The following RHOBTB1 variants were observed in gnomAD, a reference collection of about 807,000 sequenced individuals.
RHOBTB1 encodes the protein Rho related BTB domain containing 1.
In RHOBTB1, 40 loss-of-function variants were observed where a neutral mutation model predicts 71.6. The observed-to-expected ratio is 0.56, with a 90% CI of 0.43 to 0.73. RHOBTB1 has a LOEUF of 0.73. Ranked by LOEUF, RHOBTB1 falls within the 30% of genes least tolerant of loss-of-function variation. The probability of loss-of-function intolerance (pLI) is 0.00; values close to 1 mark genes in which losing one functional copy is unlikely to be tolerated. For synonymous variants in RHOBTB1, 319 were observed against 334.9 expected (o/e 0.95, Z 0.52); for missense variants, 797 against 894.0 (o/e 0.89, Z 1.38).
Position 60,956,129 on chromosome 10 carries a change from T to C in RHOBTB1, c.-61-14275A>G, listed in dbSNP as rs1264403526. Among the ~76,000 whole-genome samples the C allele has an allele frequency of 5.3e-5, 8 of 152,224 alleles. 1 individual carries two copies. The South Asian group carries it at 1.7e-3, about 31-fold the overall frequency. Reference sequence around the variant, plus strand: ...TAGCCTACTACACACCTAGGCTATATGGTATAGCCCGTTGTTTCTAGGCTG... The same window carrying C: ...TAGCCTACTACACACCTAGGCTATACGGTATAGCCCGTTGTTTCTAGGCTG... On this transcript the variant is annotated intron_variant, in intron 2 of 11. Transcript: ENST00000357917.
intron 1 of RHOBTB1, among the ~76,000 whole-genome samples, chr10:60,986,433 A>ATAT (rs35572813): frequency 2.2e-4 from 30 of 136,388 alleles, no homozygotes; most frequent in South Asian, 6.8e-4. Flanking sequence ...ATATATATAA[A>ATAT]ATATATATAG....
At chr10:60,984,548 T>A in intron 2 of RHOBTB1, among the ~76,000 whole-genome samples, 1 of 152,166 alleles carries the variant, frequency 6.6e-6, no homozygotes, top group East Asian at 1.9e-4. Flanking sequence ...TGAAAACCCA[T>A]AAGACAGAAC....
At chr10:60,936,262 G>A (rs1386654639) in intron 2 of RHOBTB1, among the ~76,000 whole-genome samples, 1 of 152,154 alleles carries the variant, frequency 6.6e-6, no homozygotes, top group Admixed American at 6.5e-5. Flanking sequence ...TGCAACATAG[G>A]TTGGCCTATG....
At chr10:60,947,694 A>G (rs1012333515), upstream of RHOBTB1, among the ~76,000 whole-genome samples, 2 of 152,140 alleles carry the variant, frequency 1.3e-5, no homozygotes, top group African/African-American at 2.4e-5. Context: ...TTTTTATTGC[A>G]TGGATGTATC....
intron 2 of RHOBTB1, among the ~76,000 whole-genome samples, chr10:60,965,995 T>A (rs1263204469): frequency 6.6e-6 from 1 of 152,204 alleles, no homozygotes; most frequent in African/African-American, 2.4e-5. Flanking sequence ...ACAATAAATA[T>A]ATAATTTTAA....
At chr10:60,968,669 C>A (rs2086053828) in intron 2 of RHOBTB1, among the ~76,000 whole-genome samples, 1 of 152,102 alleles carries the variant, frequency 6.6e-6, no homozygotes, top group Non-Finnish European at 1.5e-5. Flanking sequence ...TATAAGTAAG[C>A]CTCAAATAAA....
At chr10:60,983,226 A>G (rs2086559602) in intron 2 of RHOBTB1, among the ~76,000 whole-genome samples, 1 of 152,182 alleles carries the variant, frequency 6.6e-6, no homozygotes, top group Non-Finnish European at 1.5e-5. Context: ...CTTTCTCTAA[A>G]TGAGAAGAAA....
At chr10:60,935,897 A>T (rs2084552212) in intron 2 of RHOBTB1, among the ~76,000 whole-genome samples, 2 of 152,192 alleles carry the variant, frequency 1.3e-5, no homozygotes, top group South Asian at 2.1e-4. Flanking sequence ...CAGCCACATC[A>T]GTAGCTTGAA....
intron 2 of RHOBTB1, among the ~76,000 whole-genome samples, chr10:60,912,260 C>T (rs116297970): frequency 0.014 from 2,187 of 151,554 alleles, 61 homozygotes; most frequent in African/African-American, 0.05. Context: ...TGGAATCTCA[C>T]GCTGTCACCC....
At chr10:60,945,531 A>G (rs972509611), upstream of RHOBTB1, among the ~76,000 whole-genome samples, 3 of 152,132 alleles carry the variant, frequency 2.0e-5, no homozygotes, top group African/African-American at 7.2e-5. Context: ...CTTCCAGGAA[A>G]CCGTCTTCAG....
chr10:60,868,390 G>A (rs1237894002), downstream of RHOBTB1, among the ~76,000 whole-genome samples: 1 of 152,062 alleles, frequency 6.6e-6, no homozygotes, highest in African/African-American at 2.4e-5. Context: ...CAGCTTGCAG[G>A]CAAGCATTCA....
chr10:60,925,696 G>A (rs536439969), intron 2 of RHOBTB1, among the ~76,000 whole-genome samples: 70 of 151,930 alleles, frequency 4.6e-4, no homozygotes, highest in Non-Finnish European at 7.5e-4. Context: ...AAGAAGACCC[G>A]AATAAATAAA....
intron 7 of RHOBTB1, among the ~76,000 whole-genome samples, chr10:60,882,467 G>GA (rs1016050674): frequency 1.3e-5 from 2 of 152,028 alleles, no homozygotes; most frequent in Non-Finnish European, 2.9e-5. Context: ...AAAGTAATGA[G>GA]AAAAAATATA....
Position 60,892,928 on chromosome 10 carries a change from A to G in RHOBTB1, c.364T>C (p.Trp122Arg), listed in dbSNP as rs1227366226. 3 of 1,613,990 alleles carry G rather than the reference A, an allele frequency of 1.9e-6. No individual in the cohort carries two copies. The change falls in exon 5 of 11, where the codon TGG becomes CGG. Residue 122 changes from tryptophan to arginine, a missense_variant. Transcript: ENST00000337910. ...PNSLNHVKSM[W>R]YPEIKHFCPR... ...CAAAAGTGCTTGATTTCTGGATACC[A>G]CATGCTTTTCACATGATTTAGGGAA... is the stretch of plus-strand genomic sequence containing the variant.
At chr10:60,939,992 T>C (rs1750399665) in intron 2 of RHOBTB1, among the ~76,000 whole-genome samples, 1 of 152,202 alleles carries the variant, frequency 6.6e-6, no homozygotes, top group Admixed American at 6.5e-5. Flanking sequence ...ATATTTTTAT[T>C]ATATACCATT....
chr10:60,887,729 C>T (rs977046860), intron 6 of RHOBTB1, among the ~76,000 whole-genome samples: 9 of 152,188 alleles, frequency 5.9e-5, no homozygotes, highest in Non-Finnish European at 1.3e-4. Context: ...GGCCTCAGGA[C>T]TTGAGATCAC....
intron 2 of RHOBTB1, among the ~76,000 whole-genome samples, chr10:60,962,470 A>G (rs1208438004): frequency 6.6e-6 from 1 of 152,192 alleles, no homozygotes; most frequent in African/African-American, 2.4e-5. Context: ...GAAAGTATTT[A>G]TAAAGTCCAA....
intron 2 of RHOBTB1, among the ~76,000 whole-genome samples, chr10:60,917,214 TG>T (rs1249935193): frequency 2.0e-5 from 3 of 152,240 alleles, no homozygotes; most frequent in Non-Finnish European, 4.4e-5. Flanking sequence ...AAATTCTAAA[TG>T]TTGTTTGTTA....
chr10:60,987,817 T>C (rs894239117), intron 1 of RHOBTB1, among the ~76,000 whole-genome samples: 2 of 148,192 alleles, frequency 1.3e-5, no homozygotes, highest in South Asian at 4.3e-4. Flanking sequence ...CTAAACCATC[T>C]CCCCTCACTA....
Sources: allele counts gnomAD v4.1 joint callset (sites outside exome capture counted in the v4.1 genomes callset), GRCh38; gene constraint gnomAD v4.1.1; transcripts MANE v1.5; gene names NCBI Gene and HGNC (gene_info 2026-07-23, HGNC 2026-07-21).